ARL13B: variants seen among roughly 807,000 people sequenced by gnomAD.
The protein encoded by ARL13B is ARF like GTPase 13B, also known as ADP-ribosylation factor-like protein 13B.
ARL13B carries 36 observed loss-of-function variants against 56.1 expected under a neutral mutation model. The observed-to-expected ratio is 0.64, with a 90% confidence interval of 0.49 to 0.85. The LOEUF (loss-of-function observed/expected upper bound fraction) is 0.85. Ranked by LOEUF, ARL13B falls within the 40% of genes least tolerant of loss-of-function variation. The pLI is 0.00. For synonymous variants in ARL13B, 178 were observed against 171.1 expected, an observed-to-expected ratio of 1.04 and a Z score of -0.32; for missense variants, 519 against 507.1, an observed-to-expected ratio of 1.02 and a Z score of -0.23.
intron 3 of ARL13B, among the ~76,000 whole-genome samples, chr3:94,024,431 G>A (rs1217065708): frequency 6.6e-6 from 1 of 152,150 alleles, no homozygotes. Flanking sequence ...TTTATACAAT[G>A]GTTCAGTAGC....
intron 1 of ARL13B, among the ~76,000 whole-genome samples, chr3:93,985,923 CT>C (rs1710440590): frequency 1.3e-5 from 2 of 152,072 alleles, no homozygotes; most frequent in South Asian, 4.1e-4. Flanking sequence ...CTGTTTTGTC[CT>C]CTTTGCTATG....
chr3:94,009,074 A>AAGATAGAT (rs58584662), intron 3 of ARL13B, among the ~76,000 whole-genome samples: 21,590 of 143,756 alleles, frequency 0.15, 1,660 homozygotes, highest in South Asian at 0.16. Flanking sequence ...AGGAGCAGTA[A>AAGATAGAT]AGATAGATAG....
intron 2 of ARL13B, among the ~76,000 whole-genome samples, chr3:94,000,745 T>C (rs894410926): frequency 1.3e-5 from 2 of 152,134 alleles, no homozygotes; most frequent in African/African-American, 4.8e-5. Context: ...ACTTAGCTTA[T>C]AAGAAATGCT....
intron 2 of ARL13B, among the ~76,000 whole-genome samples, chr3:93,999,365 G>C (rs1022450600): frequency 2.6e-5 from 4 of 152,112 alleles, no homozygotes; most frequent in East Asian, 1.9e-4. Flanking sequence ...CCTCAGCCTC[G>C]AGAGTAGCTA....
At position 94,044,733 on chromosome 3, in the gene ARL13B, G is replaced by A. The variant is rs536889860; in HGVS notation, c.1024+1493G>A. On this transcript the variant is annotated intron_variant, in intron 7 of 9. Coordinates refer to ENST00000394222, the MANE Select transcript of ARL13B (RefSeq NM_001174150.2). ...GAGCGCCTCTGCCCGGCCACCCATCGTCTGGGAGGTGAGGAGCGCCTCTGC... is the reference window on the plus strand; with the variant it reads ...GAGCGCCTCTGCCCGGCCACCCATCATCTGGGAGGTGAGGAGCGCCTCTGC... Among the ~76,000 whole-genome samples the A allele has an allele frequency of 1.4e-4, 19 of 135,706 alleles. No individual in the cohort carries two copies. In the East Asian group the frequency reaches 2.6e-3, roughly 19 times the overall value. The allele number at this position is 135,706 out of a possible 152,430, so 89.0% of individuals were successfully genotyped here. A position where few individuals can be genotyped will look rare whatever the true frequency, so the allele number is the denominator to read the frequency against.
At chr3:94,007,844 T>A (rs1028518487) in intron 3 of ARL13B, among the ~76,000 whole-genome samples, 18 of 152,228 alleles carry the variant, frequency 1.2e-4, no homozygotes, top group African/African-American at 4.1e-4. Flanking sequence ...TTCTTTGTTT[T>A]ATTAGCTCAG....
At chr3:94,008,995 T>C (rs1307958426) in intron 3 of ARL13B, among the ~76,000 whole-genome samples, 2 of 152,120 alleles carry the variant, frequency 1.3e-5, no homozygotes, top group South Asian at 2.1e-4. Flanking sequence ...CTGGATGTTA[T>C]GAGCATTCCA....
At chr3:94,014,348 T>A (rs1307543868) in intron 3 of ARL13B, 11 of 1,487,198 alleles carry the variant, frequency 7.4e-6, no homozygotes, top group African/African-American at 1.4e-5. Context: ...AAGCTATCTT[T>A]TACCGTAAAG....
chr3:94,036,233 A>G (rs1225638846), intron 4 of ARL13B, among the ~76,000 whole-genome samples: 1 of 152,180 alleles, frequency 6.6e-6, no homozygotes, highest in African/African-American at 2.4e-5. Flanking sequence ...AAGGAATTAA[A>G]ACTTCCTGGC....
Position 94,050,506 on chromosome 3 carries a change from A to G in ARL13B, c.1142-318A>G, listed in dbSNP as rs1485248521. On this transcript the variant is annotated intron_variant, in intron 8 of 9. Coordinates refer to ENST00000394222, the MANE Select transcript of ARL13B (RefSeq NM_001174150.2). ...AATCTCTTATAGACTCATTTCCAGT[A>G]TTCCATTTATTAAGAAAATATTTAG... Among the ~76,000 whole-genome samples the G allele has an allele frequency of 2.0e-5, 3 of 152,212 alleles. No homozygotes were observed. In the East Asian group the frequency reaches 5.8e-4, roughly 29 times the overall value.
chr3:94,041,519 G>A (rs764442912), intron 6 of ARL13B, among the ~76,000 whole-genome samples: 6 of 152,084 alleles, frequency 3.9e-5, no homozygotes, highest in Non-Finnish European at 8.8e-5. Flanking sequence ...GGACAAGCAA[G>A]CCACAAATCA....
chr3:93,986,294 C>T (rs1366741712), intron 1 of ARL13B, among the ~76,000 whole-genome samples: 2 of 152,102 alleles, frequency 1.3e-5, no homozygotes, highest in African/African-American at 4.8e-5. Context: ...CAAGCTTGGC[C>T]TTCTCACTAT....
rs1397553695 is a variant in ARL13B, at chr3:94,039,685, G to A, written c.690-195G>A. On this transcript the variant is annotated intron_variant, in intron 5 of 9. Coordinates refer to ENST00000394222, the MANE Select transcript of ARL13B (RefSeq NM_001174150.2). ...CATTTTTATCAGCATTTTTTTAATTGAAATGATTAGTCTTTACATGGGAGG... is the reference window on the plus strand; with the variant it reads ...CATTTTTATCAGCATTTTTTTAATTAAAATGATTAGTCTTTACATGGGAGG... Among the ~76,000 whole-genome samples the A allele has an allele frequency of 3.3e-5, 5 of 151,984 alleles. No homozygotes were observed. In the East Asian group the frequency reaches 9.7e-4, roughly 29 times the overall value.
At chr3:94,037,852 A>G (rs577914687) in intron 5 of ARL13B, among the ~76,000 whole-genome samples, 43 of 152,282 alleles carry the variant, frequency 2.8e-4, no homozygotes, top group African/African-American at 1.0e-3. Flanking sequence ...TGCCTTTTCC[A>G]TAATGATATT....
At chr3:94,003,530 C>A in intron 2 of ARL13B, 129 bp from the exon 3 acceptor site, 1 of 1,059,784 alleles carries the variant, frequency 9.4e-7, no homozygotes, top group Non-Finnish European at 1.4e-6. Flanking sequence ...AACCAGTATG[C>A]TTCAAAATAA....
chr3:94,010,813 A>G (rs1056001088), intron 3 of ARL13B, among the ~76,000 whole-genome samples: 1 of 152,108 alleles, frequency 6.6e-6, no homozygotes, highest in African/African-American at 2.4e-5. Context: ...TAACTATTTT[A>G]CAAATTCATC....
chr3:94,041,617 A>G (rs2076863428), intron 6 of ARL13B, among the ~76,000 whole-genome samples: 2 of 152,060 alleles, frequency 1.3e-5, no homozygotes. Context: ...AAAGAAGTAA[A>G]CTCTAGTGAG....
At chr3:94,022,137 T>A (rs557500832) in intron 3 of ARL13B, among the ~76,000 whole-genome samples, 10 of 152,240 alleles carry the variant, frequency 6.6e-5, no homozygotes, top group Non-Finnish European at 1.3e-4. Context: ...ATTTTATTTT[T>A]TTTGAGACAG....
At chr3:94,052,945 T>C (rs1487432305) in intron 9 of ARL13B, among the ~76,000 whole-genome samples, 10 of 152,082 alleles carry the variant, frequency 6.6e-5, no homozygotes, top group Non-Finnish European at 1.5e-5. Flanking sequence ...AATGCATGTG[T>C]GGATTGAAGG....
Sources: gnomAD v4.1 joint callset for allele counts (sites outside exome capture counted in the v4.1 genomes callset) on GRCh38, gnomAD v4.1.1 for gene constraint, MANE v1.5 for transcripts, NCBI Gene and HGNC (gene_info 2026-07-23, HGNC 2026-07-21) for gene names.